Variants in APC observed in about 807,000 individuals in gnomAD.
APC encodes APC regulator of Wnt signaling pathway, also known as adenomatous polyposis coli protein.
A neutral mutation model predicts 247.0 loss-of-function variants in APC; 72 were observed. The observed-to-expected ratio is 0.29, with a 90% confidence interval of 0.24 to 0.35. The LOEUF is 0.35. Among genes scored for constraint, APC ranks in the 10% least tolerant of loss-of-function variants. APC has a pLI of 1.00. For missense variants in APC, 3,400 were observed against 3,360.7 expected (o/e 1.01, Z -0.29); for synonymous variants, 1,254 against 1,162.5 (o/e 1.08, Z -1.60).
intron 1 of APC, among the ~76,000 whole-genome samples, chr5:112,729,502 A>G (rs1466289380): frequency 6.6e-6 from 1 of 152,212 alleles, no homozygotes; most frequent in East Asian, 1.9e-4. Flanking sequence ...GGCTGAACGA[A>G]AGGTAGTTCT....
At chr5:112,799,195 A>AG (rs1356992295) in intron 7 of APC, among the ~76,000 whole-genome samples, 1 of 151,540 alleles carries the variant, frequency 6.6e-6, no homozygotes, top group Admixed American at 6.6e-5. Flanking sequence ...AAAAAAAAAA[A>AG]AAAAAAAAAG....
At chr5:112,829,301 C>T (rs1764068015) in intron 14 of APC, 1 of 267,710 alleles carries the variant, frequency 3.7e-6, no homozygotes, top group African/African-American at 2.3e-5. Flanking sequence ...CCACTCCCGG[C>T]TATTTGTATT....
At chr5:112,834,273 G>T (rs754799877) in intron 14 of APC, among the ~76,000 whole-genome samples, 2 of 119,190 alleles carry the variant, frequency 1.7e-5, no homozygotes, top group African/African-American at 6.6e-5. Flanking sequence ...AAAGAGTTTC[G>T]CTCTGTCAGC....
intron 5 of APC, among the ~76,000 whole-genome samples, chr5:112,780,075 C>G (rs1036614249): frequency 6.6e-6 from 1 of 152,042 alleles, no homozygotes; most frequent in Non-Finnish European, 1.5e-5. Flanking sequence ...ATTACCTTGT[C>G]CTTTTAAAAT....
At chr5:112,769,288 TG>T (rs766228702) in intron 4 of APC, among the ~76,000 whole-genome samples, 14 of 152,008 alleles carry the variant, frequency 9.2e-5, no homozygotes, top group Admixed American at 6.6e-4. Context: ...TGACCTCAGG[TG>T]ATCTGCCTGC....
intron 1 of APC, chr5:112,738,497 AAT>A (rs1581062645): frequency 4.1e-6 from 4 of 985,552 alleles, no homozygotes; most frequent in Non-Finnish European, 4.8e-6. Flanking sequence ...TGGTTGGTGA[AAT>A]ACTGGTCACC....
At chr5:112,752,282 A>C (rs1049741785) in intron 1 of APC, among the ~76,000 whole-genome samples, 1 of 152,234 alleles carries the variant, frequency 6.6e-6, no homozygotes, top group African/African-American at 2.4e-5. Context: ...AATGTAAAAA[A>C]GAAGTGATCT....
At chr5:112,725,810 C>G (rs1488456661) in intron 1 of APC, among the ~76,000 whole-genome samples, 1 of 152,128 alleles carries the variant, frequency 6.6e-6, no homozygotes, top group African/African-American at 2.4e-5. Context: ...TATGGAATTC[C>G]CAAGTATTTT....
intron 6 of APC, among the ~76,000 whole-genome samples, chr5:112,781,828 C>T (rs1758384524): frequency 6.6e-6 from 1 of 151,260 alleles, no homozygotes; most frequent in Admixed American, 6.6e-5. Flanking sequence ...CATGATCTCA[C>T]CTGCAACTTC....
intron 1 of APC, among the ~76,000 whole-genome samples, chr5:112,724,190 T>C (rs1225863832): frequency 6.6e-6 from 1 of 152,144 alleles, no homozygotes; most frequent in Non-Finnish European, 1.5e-5. Flanking sequence ...ATACATACTC[T>C]TCATCCACTC....
At chr5:112,814,551 A>G (rs546111045) in intron 8 of APC, among the ~76,000 whole-genome samples, 27 of 152,290 alleles carry the variant, frequency 1.8e-4, no homozygotes, top group Admixed American at 1.7e-3. Context: ...TAATTTGAAT[A>G]TCCTTCAAGA....
chr5:112,792,350 A>G (rs1365707484), intron 6 of APC, 96 bp from the exon 7 acceptor site: 3 of 795,426 alleles, frequency 3.8e-6, no homozygotes, highest in Non-Finnish European at 6.1e-6. Flanking sequence ...ATGATTTGAC[A>G]TAACCCTGAG....
At chr5:112,824,015 C>A (rs571939542) in intron 11 of APC, among the ~76,000 whole-genome samples, 10 of 152,222 alleles carry the variant, frequency 6.6e-5, no homozygotes, top group Admixed American at 1.3e-4. Context: ...GCATTTCATG[C>A]TAATGGTGAC....
chr5:112,828,189 A>C (rs887205955), intron 13 of APC, among the ~76,000 whole-genome samples, 183 bp downstream of exon 13: 29 of 152,100 alleles, frequency 1.9e-4, no homozygotes, highest in African/African-American at 7.0e-4. Context: ...GCACACCACC[A>C]TGCCAAACGA....
intron 10 of APC, among the ~76,000 whole-genome samples, chr5:112,821,256 A>G (rs918666556): frequency 2.0e-5 from 3 of 152,114 alleles, no homozygotes; most frequent in African/African-American, 7.2e-5. Context: ...CTATAATTCT[A>G]GCACTATGGG....
intron 7 of APC, among the ~76,000 whole-genome samples, chr5:112,797,615 T>G (rs1760353184): frequency 6.6e-6 from 1 of 152,172 alleles, no homozygotes; most frequent in Non-Finnish European, 1.5e-5. Context: ...CAGACATAGT[T>G]TATTTATTAA....
At chr5:112,807,154 G>A (rs1423199928) in intron 8 of APC, among the ~76,000 whole-genome samples, 7 of 147,990 alleles carry the variant, frequency 4.7e-5, no homozygotes, top group Non-Finnish European at 1.0e-4. Context: ...AAAAAAAAAC[G>A]TAAAACCAAA....
rs1057522595 is a variant in APC, at chr5:112,838,654, A to G, written c.3060A>G (p.Glu1020=). The G allele has an allele frequency of 6.2e-7, 1 of 1,614,206 alleles. No homozygotes were observed. The highest frequency in any genetic ancestry group is 8.5e-7 in the Non-Finnish European group (1 of 1,180,042). The part of the protein sequence containing the change: ...SANHMDDNDG[E]LDTPINYSLK... Reference sequence around the variant, plus strand: ...ATCATATGGATGATAATGATGGAGAACTAGATACACCAATAAATTATAGTC... The same window carrying G: ...ATCATATGGATGATAATGATGGAGAGCTAGATACACCAATAAATTATAGTC... The change falls in exon 16 of 16, where the codon GAA becomes GAG. Residue 1020 remains glutamate (E), a synonymous_variant. Coordinates refer to ENST00000257430, the MANE Select transcript of APC (RefSeq NM_000038.6).
Position 112,837,888 on chromosome 5 carries a change from A to G in APC, c.2294A>G (p.Asp765Gly), listed in dbSNP as rs2149865590. Residue 765 changes from aspartate to glycine, a missense_variant, in exon 16 of 16, where the codon GAT becomes GGT. Asp to Gly is a moderately conservative substitution (Grantham distance 94). This residue lies in a region of APC where 91 missense variants were observed against 103.3 expected (regional missense o/e 0.88). Coordinates refer to ENST00000257430, the MANE Select transcript of APC (RefSeq NM_000038.6). ...RKQKALEAELDAQHLSETFDN... is the reference protein window; with the variant it reads ...RKQKALEAELGAQHLSETFDN... ...CAAAAAGCCCTAGAAGCAGAATTAG[A>G]TGCTCAGCACTTATCAGAAACTTTT... The G allele has an allele frequency of 1.2e-6, 2 of 1,614,144 alleles. No homozygotes were observed. Among genetic ancestry groups the G allele is most frequent in the Non-Finnish European group, 1.7e-6 (2 of 1,180,046 alleles).
Sources: gnomAD v4.1 joint callset for allele counts (sites outside exome capture counted in the v4.1 genomes callset) on GRCh38, gnomAD v4.1.1 for gene constraint, gnomAD v4.1.1 regional missense constraint, MANE v1.5 for transcripts, NCBI Gene and HGNC (gene_info 2026-07-23, HGNC 2026-07-21) for gene names.